The following KDM7A variants were observed in gnomAD, a reference collection of about 807,000 sequenced individuals.
The protein encoded by KDM7A is lysine-specific demethylase 7A.
KDM7A carries 28 observed loss-of-function variants against 114.8 expected under a neutral mutation model. The ratio of observed to expected loss-of-function variants is 0.24; its 90% CI spans 0.18 to 0.33. KDM7A has a LOEUF of 0.33. Among genes scored for constraint, KDM7A ranks in the 10% least tolerant of loss-of-function variants. KDM7A has a pLI of 1.00. For synonymous variants in KDM7A, 423 were observed against 397.8 expected (o/e 1.06, Z -0.75); for missense variants, 942 against 1,142.5 (o/e 0.82, Z 2.53).
chr7:140,099,824 G>A (rs1818173726), intron 13 of KDM7A, 75 bp downstream of exon 13: 2 of 1,396,162 alleles, frequency 1.4e-6, no homozygotes, highest in Admixed American at 1.7e-5. Flanking sequence ...GAAAGGTTGA[G>A]GACCACTGGG....
intron 1 of KDM7A, among the ~76,000 whole-genome samples, chr7:140,147,159 A>C (rs77252268): frequency 3.9e-4 from 60 of 152,124 alleles, no homozygotes; most frequent in African/African-American, 1.4e-3. Context: ...AAAAAAAAAA[A>C]CACATTTCCA....
chr7:140,120,624 TCA>T (rs1818604548), intron 7 of KDM7A, 95 bp from the exon 8 acceptor site: 2 of 707,968 alleles, frequency 2.8e-6, no homozygotes, highest in African/African-American at 3.5e-5. Flanking sequence ...AATATCAATA[TCA>T]GTTTACTTCA....
chr7:140,113,926 A>G (rs977552177), intron 9 of KDM7A, among the ~76,000 whole-genome samples: 2 of 152,262 alleles, frequency 1.3e-5, no homozygotes, highest in African/African-American at 4.8e-5. Context: ...GATTATAGGC[A>G]TGAGCCACTG....
At chr7:140,102,190 T>C (rs1818241734) in intron 11 of KDM7A, 30 bp from the exon 12 acceptor site, 1 of 1,504,304 alleles carries the variant, frequency 6.6e-7, no homozygotes, top group Admixed American at 1.7e-5. Context: ...AGTATTTTTA[T>C]AAGAAGGCTG....
Position 140,090,099 on chromosome 7 carries a change from A to G in KDM7A, c.*995T>C, listed in dbSNP as rs1378824626. ...CGAAGAAGGCCTGCTGTAGTTACAA[A>G]TGTACTTGGAAAAACTATAAACATG... On this transcript the variant is annotated 3_prime_UTR_variant, in exon 20 of 20. Transcript: ENST00000397560. 1 of 152,210 alleles carries G rather than the reference A, an allele frequency of 6.6e-6. No homozygotes were observed. The highest frequency in any genetic ancestry group is 1.5e-5 in the Non-Finnish European group (1 of 68,036). The allele number at this position is 152,210 out of a possible 1,614,324, so 9.4% of individuals were successfully genotyped here. A position where few individuals can be genotyped will look rare whatever the true frequency, so the allele number is the denominator to read the frequency against.
chr7:140,091,293 G>A, intron 19 of KDM7A, 105 bp from the exon 20 acceptor site: 1 of 795,980 alleles, frequency 1.3e-6, no homozygotes, highest in African/African-American at 1.7e-5. Flanking sequence ...AAGCCCTTAG[G>A]TGTTCTGCAT....
chr7:140,114,621 G>A (rs1409247942), intron 9 of KDM7A, among the ~76,000 whole-genome samples: 2 of 151,966 alleles, frequency 1.3e-5, no homozygotes, highest in Admixed American at 1.3e-4. Context: ...GTCTCTGACT[G>A]GCCGCCCATC....
At chr7:140,163,933 T>C (rs1476603476) in intron 1 of KDM7A, among the ~76,000 whole-genome samples, 2 of 152,198 alleles carry the variant, frequency 1.3e-5, no homozygotes, top group Non-Finnish European at 2.9e-5. Flanking sequence ...TTATCAGTTA[T>C]AACATTTTAT....
chr7:140,101,760 T>C (rs1291503484), intron 12 of KDM7A, among the ~76,000 whole-genome samples, 191 bp downstream of exon 12: 2 of 152,188 alleles, frequency 1.3e-5, no homozygotes, highest in Non-Finnish European at 2.9e-5. Context: ...GTCTATTCAT[T>C]CAAATTCTAC....
intron 15 of KDM7A, 46 bp from the exon 16 acceptor site, chr7:140,097,093 C>T (rs200923599): frequency 7.0e-7 from 1 of 1,432,860 alleles, no homozygotes. Context: ...AGAAATTGAC[C>T]AAGTCTGTAC....
chr7:140,126,894 A>G (rs1477379563), intron 5 of KDM7A, 71 bp from the exon 6 acceptor site: 11 of 1,140,054 alleles, frequency 9.6e-6, no homozygotes, highest in Non-Finnish European at 1.4e-5. Context: ...TGTTTTTCTC[A>G]TCTATTCCCA....
In KDM7A at chr7:140,090,829, T is replaced by G. The variant is rs1818005745; in HGVS notation, c.*265A>C. ...GACACTACCAACAACAAAATAAAAT[T>G]CAAGCCCTGACAAGAGACCCTTTCC... On this transcript the variant is annotated 3_prime_UTR_variant, in exon 20 of 20. Transcript: ENST00000397560. 2.5e-6 allele frequency: 1 copy of G among 405,312 alleles called. No homozygotes were observed. The allele number at this position is 405,312 out of a possible 1,614,324, so 25.1% of individuals were successfully genotyped here.
chr7:140,161,900 A>G (rs548479112), intron 1 of KDM7A, among the ~76,000 whole-genome samples: 1 of 152,338 alleles, frequency 6.6e-6, no homozygotes, highest in Admixed American at 6.5e-5. Flanking sequence ...ACTGGACCAC[A>G]TTCCAGTTTC....
At chr7:140,097,493 G>A in intron 15 of KDM7A, 52 bp downstream of exon 15, 1 of 958,988 alleles carries the variant, frequency 1.0e-6, no homozygotes, top group Non-Finnish European at 1.6e-6. Flanking sequence ...GAAGTTACGT[G>A]GTGCTCATCT....
At position 140,098,880 on chromosome 7, in the gene KDM7A, A is replaced by G. The variant is rs1194042492; in HGVS notation, c.1917T>C (p.Asn639=). 4.4e-6 allele frequency: 7 copies of G among 1,607,212 alleles called. No homozygotes were observed. The South Asian group carries it at 7.7e-5, about 18-fold the overall frequency. The stretch of plus-strand genomic sequence containing the variant: ...AAAATAACCATTAAAAAAACATACC[A>G]TTCAGTGGTTTTTGAGATTCTTCAT... ...VEHEESQKPL[N]GFFTRVKSEL... The change falls in exon 14 of 20, where the codon AAT becomes AAC. Residue 639 remains asparagine (N), a splice_region_variant and synonymous_variant. Coordinates refer to ENST00000397560, the MANE Select transcript of KDM7A (RefSeq NM_030647.2).
At chr7:140,113,296 A>G (rs1432827174) in intron 10 of KDM7A, among the ~76,000 whole-genome samples, 195 bp downstream of exon 10, 1 of 152,276 alleles carries the variant, frequency 6.6e-6, no homozygotes, top group Non-Finnish European at 1.5e-5. Context: ...GATTAAAGAA[A>G]TAAATACTTT....
intron 2 of KDM7A, among the ~76,000 whole-genome samples, chr7:140,136,254 A>C (rs1245657107): frequency 6.6e-6 from 1 of 152,240 alleles, no homozygotes; most frequent in Non-Finnish European, 1.5e-5. Flanking sequence ...GTCAAAGAAG[A>C]TAACATAGGT....
intron 10 of KDM7A, among the ~76,000 whole-genome samples, chr7:140,111,944 CAAA>C (rs11327222): frequency 3.0e-5 from 3 of 100,732 alleles, no homozygotes; most frequent in Admixed American, 1.0e-4. Flanking sequence ...GACTCTGTCT[CAAA>C]AAAAAAAAAA....
intron 1 of KDM7A, among the ~76,000 whole-genome samples, chr7:140,153,258 C>T (rs925338992): frequency 4.6e-5 from 7 of 151,178 alleles, no homozygotes; most frequent in Admixed American, 6.6e-5. Context: ...GAGGCCGAGG[C>T]GGGCGGATCA....
Sources: allele counts gnomAD v4.1 joint callset (sites outside exome capture counted in the v4.1 genomes callset), GRCh38; gene constraint gnomAD v4.1.1; transcripts MANE v1.5; gene names NCBI Gene and HGNC (gene_info 2026-07-23, HGNC 2026-07-21).